The following CCDC171 variants were observed in gnomAD, a reference collection of about 807,000 sequenced individuals.
The protein encoded by CCDC171 is coiled-coil domain-containing protein 171.
Under a neutral mutation model 168.2 loss-of-function variants are expected in CCDC171, and 177 were observed. The observed-to-expected ratio is 1.05, with a 90% CI of 0.93 to 1.19. The LOEUF (loss-of-function observed/expected upper bound fraction) is 1.19, where lower values mean the gene tolerates loss of function less well. Ranked by LOEUF, CCDC171 falls within the 50% of genes most tolerant of loss-of-function variation. CCDC171 has a pLI of 0.00. For synonymous variants in CCDC171, 687 were observed against 540.8 expected, an observed-to-expected ratio of 1.27 and a Z score of -3.75; for missense variants, 1,991 against 1,539.0, an observed-to-expected ratio of 1.29 and a Z score of -4.91.
intron 6 of CCDC171, among the ~76,000 whole-genome samples, chr9:15,619,531 G>A (rs535497504): frequency 2.0e-4 from 30 of 152,320 alleles, no homozygotes; most frequent in African/African-American, 6.7e-4. Flanking sequence ...GGCTGAGAGA[G>A]GTGAGGAATT....
rs762681982 is a variant in CCDC171, at chr9:15,657,158, A to C, written c.854A>C (p.Glu285Ala). ...ATTLRVRKLE[E>A]NIEAERAAHL... ...ACTCTAAGAGTGAGGAAATTAGAAGAAAACATTGAAGCAGAAAGAGCAGCG... is the reference window on the plus strand; with the variant it reads ...ACTCTAAGAGTGAGGAAATTAGAAGCAAACATTGAAGCAGAAAGAGCAGCG... The change falls in exon 8 of 26, where the codon GAA becomes GCA. Residue 285 changes from glutamate (E) to alanine (A), a missense_variant. Coordinates refer to ENST00000380701, the MANE Select transcript of CCDC171 (RefSeq NM_173550.4). 1 of 1,610,166 alleles carries C rather than the reference A, an allele frequency of 6.2e-7. No homozygotes were observed. Among genetic ancestry groups the C allele is most frequent in the African/African-American group, 1.3e-5 (1 of 74,748 alleles).
chr9:15,784,794 T>C, intron 21 of CCDC171, 100 bp downstream of exon 21: 1 of 870,256 alleles, frequency 1.1e-6, no homozygotes, highest in South Asian at 2.0e-5. Context: ...GATCCCAAGA[T>C]GTAAAATTTT....
chr9:15,988,626 G>A (rs547305036), intron 3 of CCDC171, among the ~76,000 whole-genome samples: 48 of 152,290 alleles, frequency 3.2e-4, no homozygotes, highest in African/African-American at 8.2e-4. Context: ...AACGCAGGGC[G>A]AGGCATCGCC....
chr9:15,809,966 G>A (rs559884718), intron 21 of CCDC171, among the ~76,000 whole-genome samples: 16 of 152,242 alleles, frequency 1.1e-4, no homozygotes, highest in African/African-American at 3.6e-4. Context: ...GGTCCGTTTT[G>A]ACAGGGTGCC....
At chr9:15,950,507 C>A (rs1829013728) in intron 25 of CCDC171, among the ~76,000 whole-genome samples, 2 of 152,188 alleles carry the variant, frequency 1.3e-5, no homozygotes, top group South Asian at 4.1e-4. Flanking sequence ...CCCAGAATTT[C>A]ATATCCAGCC....
At chr9:15,570,688 C>G (rs1453373851) in intron 2 of CCDC171, among the ~76,000 whole-genome samples, 1 of 152,170 alleles carries the variant, frequency 6.6e-6, no homozygotes, top group Non-Finnish European at 1.5e-5. Context: ...TGCTTAGGTT[C>G]TGTAGGGAAG....
chr9:16,039,976 A>G (rs562607559), upstream of CCDC171, among the ~76,000 whole-genome samples: 6 of 152,322 alleles, frequency 3.9e-5, no homozygotes, highest in African/African-American at 1.4e-4. Context: ...GCTTATTTCT[A>G]ATCATCGCCT....
chr9:15,801,508 T>A (rs1220591173), intron 21 of CCDC171, among the ~76,000 whole-genome samples: 4 of 152,066 alleles, frequency 2.6e-5, no homozygotes, highest in Non-Finnish European at 5.9e-5. Flanking sequence ...GTTCTAATAG[T>A]TTTTTGGTGG....
chr9:15,587,756 C>T (rs1166900438), intron 4 of CCDC171: 5 of 400,762 alleles, frequency 1.2e-5, no homozygotes, highest in Non-Finnish European at 2.6e-5. Flanking sequence ...TGAGAGTAGA[C>T]AACCAAGAGT....
chr9:15,560,999 C>T (rs1409798416), intron 1 of CCDC171, among the ~76,000 whole-genome samples: 1 of 152,108 alleles, frequency 6.6e-6, no homozygotes, highest in Non-Finnish European at 1.5e-5. Flanking sequence ...CACTTCAGAC[C>T]CTGTTTGCCT....
Position 15,614,215 on chromosome 9 carries a change from A to G in CCDC171, c.676-9052A>G, listed in dbSNP as rs892389506. Among the ~76,000 whole-genome samples the G allele has an allele frequency of 1.8e-4, 27 of 152,272 alleles. 1 individual carries two copies. The highest frequency in any genetic ancestry group is 1.8e-3 in the Admixed American group (27 of 15,296). On this transcript the variant is annotated intron_variant, in intron 6 of 25. Coordinates refer to ENST00000380701, the MANE Select transcript of CCDC171 (RefSeq NM_173550.4). ...TGCATGGTTTTCTGATGCCAGGAAT[A>G]TGTCAGAGCTTTTCAAAGGCTATAT...
the CCDC171 span, among the ~76,000 whole-genome samples, chr9:16,100,457 G>C: frequency 6.6e-6 from 1 of 152,112 alleles, no homozygotes; most frequent in Non-Finnish European, 1.5e-5. Flanking sequence ...CCTGAGAAAG[G>C]CCTGTGGGAT....
exon 8 of CCDC171, chr9:16,036,182 A>C (rs998260804): frequency 2.4e-4 from 37 of 152,230 alleles, no homozygotes; most frequent in African/African-American, 8.2e-4. Flanking sequence ...AGCTGGCTGC[A>C]TTGGACATGG....
At chr9:15,779,547 A>G (rs1261852603) in intron 20 of CCDC171, among the ~76,000 whole-genome samples, 1 of 151,894 alleles carries the variant, frequency 6.6e-6, no homozygotes, top group Non-Finnish European at 1.5e-5. Flanking sequence ...TTTAGTAGAG[A>G]TGGAATTTCT....
intron 21 of CCDC171, among the ~76,000 whole-genome samples, chr9:15,793,430 G>A (rs368420812): frequency 2.0e-5 from 3 of 151,846 alleles, no homozygotes; most frequent in African/African-American, 7.3e-5. Context: ...AAGTTAAAAA[G>A]GATATCCAGG....
upstream of CCDC171, among the ~76,000 whole-genome samples, chr9:16,041,315 G>A (rs1833567558): frequency 6.6e-6 from 1 of 152,170 alleles, no homozygotes; most frequent in Non-Finnish European, 1.5e-5. Flanking sequence ...GCAGGGAAAA[G>A]GCCTGAGAGA....
chr9:15,765,374 A>T (rs1181140391), intron 18 of CCDC171, among the ~76,000 whole-genome samples: 1 of 152,152 alleles, frequency 6.6e-6, no homozygotes, highest in Non-Finnish European at 1.5e-5. Context: ...AGAAAAAAAA[A>T]TCTTGATAAT....
intron 21 of CCDC171, among the ~76,000 whole-genome samples, chr9:15,835,985 C>G (rs1038552097): frequency 6.6e-6 from 1 of 151,818 alleles, no homozygotes; most frequent in African/African-American, 2.4e-5. Flanking sequence ...CTATAATGTC[C>G]TTATATTTAC....
At chr9:15,942,693 A>C (rs1273878961) in intron 25 of CCDC171, among the ~76,000 whole-genome samples, 1 of 151,884 alleles carries the variant, frequency 6.6e-6, no homozygotes, top group African/African-American at 2.4e-5. Flanking sequence ...GTGCTTTGGG[A>C]TATGTTTTTG....
Sources: allele counts gnomAD v4.1 joint callset (sites outside exome capture counted in the v4.1 genomes callset), GRCh38; gene constraint gnomAD v4.1.1; transcripts MANE v1.5; gene names NCBI Gene and HGNC (gene_info 2026-07-23, HGNC 2026-07-21).